RALGAPA2: variants seen among roughly 807,000 people sequenced by gnomAD.
RALGAPA2 encodes the protein ral GTPase-activating protein subunit alpha-2.
Under a neutral mutation model 230.4 loss-of-function variants are expected in RALGAPA2, and 139 were observed. That is an observed-to-expected ratio of 0.60 (90% CI 0.53 to 0.69). The LOEUF (loss-of-function observed/expected upper bound fraction) is 0.69. RALGAPA2 is among the 30% of genes least tolerant of loss of function. RALGAPA2 has a pLI of 0.00. For missense variants in RALGAPA2, 2,163 were observed against 2,276.0 expected, an observed-to-expected ratio of 0.95 and a Z score of 1.01; for synonymous variants, 847 against 837.8, an observed-to-expected ratio of 1.01 and a Z score of -0.19.
intron 36 of RALGAPA2, among the ~76,000 whole-genome samples, chr20:20,494,456 C>T (rs2062147508): frequency 6.6e-6 from 1 of 152,172 alleles, no homozygotes; most frequent in Non-Finnish European, 1.5e-5. Context: ...GCTAAAATAC[C>T]ACTAAAGGTA....
chr20:20,409,816 A>G (rs1286376241), intron 38 of RALGAPA2, among the ~76,000 whole-genome samples: 1 of 152,234 alleles, frequency 6.6e-6, no homozygotes, highest in African/African-American at 2.4e-5. Flanking sequence ...ATTTCAGTTC[A>G]AATCAAGATT....
At chr20:20,484,804 C>A (rs1007690346) in intron 36 of RALGAPA2, among the ~76,000 whole-genome samples, 2 of 152,150 alleles carry the variant, frequency 1.3e-5, no homozygotes, top group Admixed American at 1.3e-4. Context: ...TGACTGTGAT[C>A]CCTAATTACT....
chr20:20,481,380 C>A (rs1406059000), intron 36 of RALGAPA2, among the ~76,000 whole-genome samples: 5 of 152,204 alleles, frequency 3.3e-5, no homozygotes, highest in Non-Finnish European at 7.3e-5. Context: ...TCACAGATAA[C>A]CTCCAGCCTC....
intron 3 of RALGAPA2, among the ~76,000 whole-genome samples, chr20:20,669,212 A>G (rs1435201418): frequency 6.6e-6 from 1 of 152,184 alleles, no homozygotes; most frequent in African/African-American, 2.4e-5. Context: ...AATTCTATAA[A>G]CTTTCTAAAA....
At chr20:20,623,214 C>T (rs867434037) in intron 10 of RALGAPA2, among the ~76,000 whole-genome samples, 7 of 152,188 alleles carry the variant, frequency 4.6e-5, no homozygotes, top group Middle Eastern at 6.8e-3. Context: ...TAAAAGACTT[C>T]GCTGCAATTT....
At chr20:20,695,289 G>A (rs2069067659) in intron 1 of RALGAPA2, among the ~76,000 whole-genome samples, 1 of 152,170 alleles carries the variant, frequency 6.6e-6, no homozygotes, top group African/African-American at 2.4e-5. Flanking sequence ...GAGAAGCTTT[G>A]CTGTTTTTGT....
intron 37 of RALGAPA2, among the ~76,000 whole-genome samples, chr20:20,457,844 T>C (rs2061158255): frequency 6.6e-6 from 1 of 152,128 alleles, no homozygotes; most frequent in African/African-American, 2.4e-5. Context: ...TGGGTGCACA[T>C]GTGTGCGGGG....
At chr20:20,618,191 C>T (rs2066209627) in intron 12 of RALGAPA2, among the ~76,000 whole-genome samples, 1 of 152,098 alleles carries the variant, frequency 6.6e-6, no homozygotes, top group South Asian at 2.1e-4. Context: ...AAATAAAAAG[C>T]ACTCTTTTGA....
intron 3 of RALGAPA2, among the ~76,000 whole-genome samples, chr20:20,656,465 C>T (rs2067592194): frequency 6.6e-6 from 1 of 152,046 alleles, no homozygotes; most frequent in African/African-American, 2.4e-5. Context: ...AGCCAGACAC[C>T]AAATGCCAGG....
chr20:20,424,602 A>G (rs942200685), intron 37 of RALGAPA2, among the ~76,000 whole-genome samples: 4 of 152,206 alleles, frequency 2.6e-5, no homozygotes, highest in African/African-American at 9.6e-5. Context: ...CCCAACCTTA[A>G]TATAGAAAGG....
intron 3 of RALGAPA2, among the ~76,000 whole-genome samples, chr20:20,666,226 A>G (rs775892197): frequency 5.3e-5 from 8 of 152,228 alleles, no homozygotes; most frequent in Non-Finnish European, 1.0e-4. Flanking sequence ...TTGTCAGCTC[A>G]GTTCTTTTAA....
intron 3 of RALGAPA2, among the ~76,000 whole-genome samples, chr20:20,674,917 T>C (rs2068265145): frequency 1.3e-5 from 2 of 152,188 alleles, no homozygotes; most frequent in Admixed American, 6.5e-5. Flanking sequence ...AGCACCTAAG[T>C]AGCTTTTAGT....
chr20:20,676,362 C>A, intron 2 of RALGAPA2, 74 bp from the exon 3 acceptor site: 1 of 972,108 alleles, frequency 1.0e-6, no homozygotes, highest in East Asian at 2.6e-5. Flanking sequence ...TGCTAAAAGG[C>A]AGCTTAAAAC....
At chr20:20,700,048 A>G (rs2069283554) in intron 1 of RALGAPA2, among the ~76,000 whole-genome samples, 1 of 152,182 alleles carries the variant, frequency 6.6e-6, no homozygotes, top group South Asian at 2.1e-4. Flanking sequence ...AAAAACATGG[A>G]ATCAACCTAA....
intron 23 of RALGAPA2, among the ~76,000 whole-genome samples, chr20:20,567,524 C>T (rs2064470057): frequency 2.6e-5 from 4 of 152,150 alleles, no homozygotes; most frequent in South Asian, 2.1e-4. Flanking sequence ...CAAAATAAAA[C>T]GGAAGGGAGA....
At chr20:20,565,248 C>T (rs2064377693) in intron 23 of RALGAPA2, among the ~76,000 whole-genome samples, 1 of 152,188 alleles carries the variant, frequency 6.6e-6, no homozygotes, top group African/African-American at 2.4e-5. Flanking sequence ...ACTTATGTTT[C>T]ACCTTAAATA....
chr20:20,654,601 T>A (rs2067522209), intron 3 of RALGAPA2, among the ~76,000 whole-genome samples: 1 of 152,234 alleles, frequency 6.6e-6, no homozygotes, highest in African/African-American at 2.4e-5. Flanking sequence ...GAATAGTATT[T>A]CACTGTGTAT....
chr20:20,401,027 G>A (rs781774343), intron 38 of RALGAPA2, among the ~76,000 whole-genome samples: 2 of 152,148 alleles, frequency 1.3e-5, no homozygotes, highest in Non-Finnish European at 2.9e-5. Context: ...GTTGAGGAGT[G>A]GGCGGGGAGA....
At position 20,629,479 on chromosome 20, in the gene RALGAPA2, T is replaced by C. The variant is rs1308669234; in HGVS notation, c.1117A>G (p.Ser373Gly). The change falls in exon 10 of 40, where the codon AGC (serine) becomes GGC (glycine). Residue 373 changes from serine to glycine, a missense_variant. Coordinates refer to ENST00000202677, the MANE Select transcript of RALGAPA2 (RefSeq NM_020343.4). ...TCAATGCTACAGAGGCTGGAGTTGC[T>C]GAGTCTTCGGTCCGACAAGGTGCTG... Reference protein sequence around the residue: ...NSSTLSDRRLSNSSLCSIEEE... With the variant: ...NSSTLSDRRLGNSSLCSIEEE... 6.2e-7 allele frequency: 1 copy of C among 1,613,880 alleles called. No homozygotes were observed. The highest frequency in any genetic ancestry group is 8.5e-7 in the Non-Finnish European group (1 of 1,179,906).
Sources: gnomAD v4.1 joint callset for allele counts (sites outside exome capture counted in the v4.1 genomes callset) on GRCh38, gnomAD v4.1.1 for gene constraint, MANE v1.5 for transcripts, NCBI Gene and HGNC (gene_info 2026-07-23, HGNC 2026-07-21) for gene names.